The following ROBO2 variants were observed in gnomAD, a reference collection of about 807,000 sequenced individuals.
ROBO2 encodes roundabout guidance receptor 2.
Under a neutral mutation model 160.8 loss-of-function variants are expected in ROBO2, and 53 were observed. That is an observed-to-expected ratio of 0.33 (90% CI 0.26 to 0.41). The LOEUF (loss-of-function observed/expected upper bound fraction) is 0.41, where lower values mean the gene tolerates loss of function less well. Ranked by LOEUF, ROBO2 falls within the 10% of genes least tolerant of loss-of-function variation. The pLI, the probability that ROBO2 is intolerant of heterozygous loss-of-function variation, is 1.00. For synonymous variants in ROBO2, 664 were observed against 611.7 expected (o/e 1.09, Z -1.26); for missense variants, 1,577 against 1,722.4 (o/e 0.92, Z 1.49).
chr3:76,236,174 T>G (rs890180917), intron 2 of ROBO2, among the ~76,000 whole-genome samples: 4 of 152,092 alleles, frequency 2.6e-5, no homozygotes, highest in African/African-American at 9.7e-5. Flanking sequence ...TATATTTAAT[T>G]TTCTATTTAT....
At chr3:76,042,310 A>G (rs79222794) in intron 2 of ROBO2, among the ~76,000 whole-genome samples, 5,159 of 152,088 alleles carry the variant, frequency 0.034, 379 homozygotes, top group African/African-American at 0.12. Context: ...TGTCTTTTTG[A>G]AACAGTAGTA....
intron 2 of ROBO2, among the ~76,000 whole-genome samples, chr3:76,948,491 C>A (rs2078707811): frequency 1.3e-5 from 2 of 150,200 alleles, no homozygotes; most frequent in South Asian, 4.2e-4. Flanking sequence ...GTCAGTAATT[C>A]TTTCAAATCT....
At chr3:76,138,366 T>A (rs1057398846) in intron 2 of ROBO2, among the ~76,000 whole-genome samples, 1 of 152,176 alleles carries the variant, frequency 6.6e-6, no homozygotes, top group East Asian at 1.9e-4. Context: ...AATGTAAATC[T>A]ATATTGTATC....
chr3:77,049,889 A>C (rs1483517294), intron 1 of ROBO2, among the ~76,000 whole-genome samples: 5 of 152,212 alleles, frequency 3.3e-5, no homozygotes, highest in African/African-American at 1.2e-4. Context: ...AGCACTTATA[A>C]CCAATTAAAA....
At chr3:77,027,373 A>C (rs1415511996) in intron 2 of ROBO2, among the ~76,000 whole-genome samples, 1 of 152,188 alleles carries the variant, frequency 6.6e-6, no homozygotes, top group African/African-American at 2.4e-5. Context: ...TTCAAGTGAC[A>C]TCTGCACAGA....
At chr3:77,442,773 C>T (rs1425567077) in intron 2 of ROBO2, among the ~76,000 whole-genome samples, 1 of 152,204 alleles carries the variant, frequency 6.6e-6, no homozygotes, top group Non-Finnish European at 1.5e-5. Context: ...AACGCTAAAT[C>T]AGAATCTTCT....
intron 2 of ROBO2, among the ~76,000 whole-genome samples, chr3:77,023,205 C>T (rs184110403): frequency 1.6e-3 from 250 of 152,214 alleles, no homozygotes; most frequent in Non-Finnish European, 1.9e-3. Flanking sequence ...ATGGGCTTAT[C>T]GGGGGTTACT....
intron 2 of ROBO2, among the ~76,000 whole-genome samples, chr3:77,129,649 G>A (rs914746567): frequency 3.3e-5 from 5 of 152,164 alleles, no homozygotes; most frequent in Admixed American, 6.5e-5. Flanking sequence ...TGCAACGTGC[G>A]GTCGGGTGTT....
chr3:76,830,582 G>A (rs2066993082), intron 2 of ROBO2, among the ~76,000 whole-genome samples: 1 of 152,070 alleles, frequency 6.6e-6, no homozygotes, highest in Admixed American at 6.6e-5. Flanking sequence ...CCTCCAGGCA[G>A]TTCAAGTACT....
chr3:77,141,503 G>C (rs756965130), intron 2 of ROBO2, among the ~76,000 whole-genome samples: 22 of 152,110 alleles, frequency 1.4e-4, no homozygotes, highest in Non-Finnish European at 2.9e-5. Flanking sequence ...GCTGACAAAT[G>C]CACAGGTGTT....
chr3:76,827,497 T>G (rs1182418763), intron 2 of ROBO2, among the ~76,000 whole-genome samples: 1 of 152,180 alleles, frequency 6.6e-6, no homozygotes, highest in Non-Finnish European at 1.5e-5. Context: ...TATTTGAGAC[T>G]CTAAAGATGG....
intron 2 of ROBO2, among the ~76,000 whole-genome samples, chr3:76,834,837 T>C (rs1273884459): frequency 1.3e-5 from 2 of 152,170 alleles, no homozygotes; most frequent in Admixed American, 1.3e-4. Flanking sequence ...GGCCAAAGCA[T>C]TCCATTCTTT....
chr3:77,087,631 A>G (rs1035238064), intron 1 of ROBO2, among the ~76,000 whole-genome samples: 1 of 152,090 alleles, frequency 6.6e-6, no homozygotes, highest in African/African-American at 2.4e-5. Flanking sequence ...ACAGTTTTCT[A>G]GAAACCTTCA....
chr3:76,219,750 A>C (rs1206240554), intron 2 of ROBO2, among the ~76,000 whole-genome samples: 1 of 152,226 alleles, frequency 6.6e-6, no homozygotes. Flanking sequence ...TAGTTCAACC[A>C]TTGTGGAAGT....
At chr3:77,428,348 T>A (rs1050443326) in intron 2 of ROBO2, among the ~76,000 whole-genome samples, 2 of 104,812 alleles carry the variant, frequency 1.9e-5, no homozygotes, top group Non-Finnish European at 4.2e-5. Context: ...TATTTTTTTT[T>A]TTTTTTTTTT....
At chr3:76,030,330 G>A (rs1469036466) in intron 2 of ROBO2, among the ~76,000 whole-genome samples, 1 of 152,128 alleles carries the variant, frequency 6.6e-6, no homozygotes, top group African/African-American at 2.4e-5. Flanking sequence ...TGTTCACTCT[G>A]ATGGCAGTTT....
At chr3:77,240,076 C>T (rs2088759704) in intron 2 of ROBO2, among the ~76,000 whole-genome samples, 1 of 152,312 alleles carries the variant, frequency 6.6e-6, no homozygotes, top group African/African-American at 2.4e-5. Context: ...CCAGCCAGTC[C>T]CATGCTGCGC....
At chr3:77,595,025 TG>T in intron 17 of ROBO2, 116 bp from the exon 19 acceptor site, 2 of 764,688 alleles carry the variant, frequency 2.6e-6, no homozygotes, top group South Asian at 1.6e-5. Flanking sequence ...AATTATATTT[TG>T]TTAAAATTCC....
intron 2 of ROBO2, among the ~76,000 whole-genome samples, chr3:76,631,746 G>A (rs954709691): frequency 2.0e-5 from 3 of 152,084 alleles, no homozygotes; most frequent in Admixed American, 6.6e-5. Context: ...CACAATTATT[G>A]TTAAACCTGG....
Sources: gnomAD v4.1 joint callset for allele counts (sites outside exome capture counted in the v4.1 genomes callset) on GRCh38, gnomAD v4.1.1 for gene constraint, MANE v1.5 for transcripts, NCBI Gene and HGNC (gene_info 2026-07-23, HGNC 2026-07-21) for gene names.